The following IFT43 variants were observed in gnomAD, a reference collection of about 807,000 sequenced individuals.
IFT43 encodes the protein intraflagellar transport 43.
Under a neutral mutation model 32.3 loss-of-function variants are expected in IFT43, and 33 were observed. The observed-to-expected ratio is 1.02, with a 90% CI of 0.77 to 1.37. IFT43 has a LOEUF of 1.37. Among genes scored for constraint, IFT43 ranks in the 40% most tolerant of loss-of-function variants. The pLI, the probability that IFT43 is intolerant of heterozygous loss-of-function variation, is 0.00. For synonymous variants in IFT43, 93 were observed against 98.2 expected (o/e 0.95, Z 0.31); for missense variants, 274 against 265.9 (o/e 1.03, Z -0.21).
chr14:76,005,542 A>G (rs1355639020), intron 2 of IFT43, among the ~76,000 whole-genome samples: 2 of 152,224 alleles, frequency 1.3e-5, no homozygotes, highest in African/African-American at 4.8e-5. Flanking sequence ...TCCTTTATGC[A>G]TGTACAATTC....
Position 76,051,903 on chromosome 14 carries a change from G to A in IFT43, c.216-6739G>A, listed in dbSNP as rs562932251. Among the ~76,000 whole-genome samples the A allele has an allele frequency of 1.1e-3, 161 of 152,248 alleles. 1 individual carries two copies. Among genetic ancestry groups the A allele is most frequent in the African/African-American group, 3.7e-3 (152 of 41,542 alleles). On this transcript the variant is annotated intron_variant, in intron 3 of 8. Coordinates refer to ENST00000314067, the MANE Select transcript of IFT43 (RefSeq NM_001102564.3). ...GCAGGTGCCTTCCTATGGCTTTGGC[G>A]TTTCTTTCACCTGCAACAAGTTATA...
At chr14:76,050,488 T>TTTTG (rs1226995792) in intron 3 of IFT43, among the ~76,000 whole-genome samples, 1 of 151,856 alleles carries the variant, frequency 6.6e-6, no homozygotes, top group Non-Finnish European at 1.5e-5. Context: ...TTTTCTTGGG[T>TTTTG]TTTGTTTGTT....
At chr14:76,055,539 AC>A (rs771471010) in intron 3 of IFT43, among the ~76,000 whole-genome samples, 3 of 152,142 alleles carry the variant, frequency 2.0e-5, no homozygotes, top group Non-Finnish European at 4.4e-5. Flanking sequence ...GTGGTGCGCC[AC>A]TAAATTGGTT....
intron 2 of IFT43, among the ~76,000 whole-genome samples, chr14:76,018,801 TG>T (rs1423369211): frequency 6.6e-6 from 1 of 152,096 alleles, no homozygotes; most frequent in Non-Finnish European, 1.5e-5. Context: ...TTACAGTTTT[TG>T]ACTTAAAGTC....
intron 5 of IFT43, among the ~76,000 whole-genome samples, chr14:76,069,921 T>C (rs1380067648): frequency 6.6e-6 from 1 of 152,168 alleles, no homozygotes; most frequent in East Asian, 1.9e-4. Flanking sequence ...TTTGGCAGAA[T>C]TGAATACCTC....
chr14:76,081,506 T>C (rs1013765526), intron 5 of IFT43, among the ~76,000 whole-genome samples: 9 of 152,200 alleles, frequency 5.9e-5, no homozygotes, highest in Admixed American at 5.9e-4. Context: ...CATGAGAACA[T>C]GGACAATTTT....
chr14:75,996,403 A>G (rs542922291), intron 2 of IFT43, among the ~76,000 whole-genome samples: 1 of 152,336 alleles, frequency 6.6e-6, no homozygotes, highest in South Asian at 2.1e-4. Context: ...TAAAATATAT[A>G]AAGCTCTTAG....
At chr14:76,011,644 T>G (rs1165120334) in intron 2 of IFT43, among the ~76,000 whole-genome samples, 1 of 152,212 alleles carries the variant, frequency 6.6e-6, no homozygotes, top group African/African-American at 2.4e-5. Context: ...TGATCAGCTT[T>G]CTTTCTTATA....
chr14:76,058,971 C>T (rs2037078557), intron 4 of IFT43: 3 of 1,433,742 alleles, frequency 2.1e-6, no homozygotes, highest in South Asian at 1.5e-5. Context: ...TGGGCAGAAG[C>T]AATACCAGCT....
rs184299317 is a variant in IFT43 at position 75,989,090 on chromosome 14, T to C, written c.147+113T>C. 640 of 1,314,848 alleles carry C rather than the reference T, an allele frequency of 4.9e-4. 9 individuals carry two copies. In the East Asian group the frequency reaches 0.014, roughly 29 times the overall value. The allele number at this position is 1,314,848 out of a possible 1,614,324, so 81.4% of individuals were successfully genotyped here. A position where few individuals can be genotyped will look rare whatever the true frequency, so the allele number is the denominator to read the frequency against. On this transcript the variant is annotated intron_variant, in intron 2 of 8. Coordinates refer to ENST00000314067, the MANE Select transcript of IFT43 (RefSeq NM_001102564.3). ...TCTTCTCTTGAATGCCAACCCTTTC[T>C]CCTGTCTTGATTTGGGAATTCCCTT... is the stretch of plus-strand genomic sequence containing the variant.
intron 3 of IFT43, among the ~76,000 whole-genome samples, chr14:76,037,256 G>A (rs1229507154): frequency 6.6e-6 from 1 of 152,192 alleles, no homozygotes; most frequent in African/African-American, 2.4e-5. Flanking sequence ...ACATCCCACT[G>A]TATTGCCTTG....
At chr14:76,068,808 A>G (rs2037270261) in intron 5 of IFT43, among the ~76,000 whole-genome samples, 1 of 152,166 alleles carries the variant, frequency 6.6e-6, no homozygotes, top group Non-Finnish European at 1.5e-5. Context: ...TTGTTCGTTC[A>G]TTTACAACCC....
In IFT43 at chr14:76,058,668, T is replaced by C; in HGVS notation, c.242T>C (p.Ile81Thr). 6.2e-7 allele frequency: 1 copy of C among 1,611,592 alleles called. No individual in the cohort carries two copies. The highest frequency in any genetic ancestry group is 8.5e-7 in the Non-Finnish European group (1 of 1,178,748). Reference protein sequence around the residue: ...SKFRRKASEEIEDFRLRPQSL... With the variant: ...SKFRRKASEETEDFRLRPQSL... Reference sequence around the variant, plus strand: ...TTTAGGAGGAAGGCTTCTGAAGAAATAGAAGAGTACGTTTCCAGTATTCTT... The same window carrying C: ...TTTAGGAGGAAGGCTTCTGAAGAAACAGAAGAGTACGTTTCCAGTATTCTT... Residue 81 changes from isoleucine (I) to threonine (T), a missense_variant, in exon 4 of 9, where the codon ATA becomes ACA. Ile to Thr is a moderately conservative substitution (Grantham distance 89). Transcript: ENST00000314067.
chr14:76,054,959 T>C (rs2036983183), intron 3 of IFT43, among the ~76,000 whole-genome samples: 1 of 152,224 alleles, frequency 6.6e-6, no homozygotes, highest in South Asian at 2.1e-4. Context: ...CTTCTCTAAT[T>C]CCCTACCCTG....
rs116929982 is a variant in IFT43, at chr14:76,040,709, C to A, written c.216-17933C>A. Among the ~76,000 whole-genome samples, 6 of 152,356 alleles carry A rather than the reference C, an allele frequency of 3.9e-5. No homozygotes were observed. In the South Asian group the frequency reaches 1.2e-3, roughly 32 times the overall value. On this transcript the variant is annotated intron_variant, in intron 3 of 8. Coordinates refer to ENST00000314067, the MANE Select transcript of IFT43 (RefSeq NM_001102564.3). ...AGTGCTTCCCATTCAAAGGGGACAG[C>A]AGTGTGTCCCCACAAGCCCTGCTGC...
intron 2 of IFT43, among the ~76,000 whole-genome samples, chr14:76,012,274 ACTGCAGCAT>A (rs2139927762): frequency 6.6e-6 from 1 of 152,232 alleles, no homozygotes; most frequent in South Asian, 2.1e-4. Flanking sequence ...CTTTTTTGGC[ACTGCAGCAT>A]CTTTTCTGTT....
At chr14:76,047,955 G>A (rs1322895357) in intron 3 of IFT43, among the ~76,000 whole-genome samples, 1 of 152,056 alleles carries the variant, frequency 6.6e-6, no homozygotes, top group Non-Finnish European at 1.5e-5. Context: ...GAGGAGCTAT[G>A]GAGTCTGGCC....
chr14:76,076,838 A>G (rs1029669668), intron 5 of IFT43: 2 of 858,026 alleles, frequency 2.3e-6, no homozygotes, highest in Non-Finnish European at 1.9e-6. Flanking sequence ...CACATCCAAC[A>G]GCTCACATCT....
At chr14:76,075,563 T>C (rs2037398460) in intron 5 of IFT43, among the ~76,000 whole-genome samples, 1 of 152,236 alleles carries the variant, frequency 6.6e-6, no homozygotes, top group Non-Finnish European at 1.5e-5. Context: ...GGTATTTGGT[T>C]ACTGGAGCGT....
Sources: allele counts gnomAD v4.1 joint callset (sites outside exome capture counted in the v4.1 genomes callset), GRCh38; gene constraint gnomAD v4.1.1; transcripts MANE v1.5; gene names NCBI Gene and HGNC (gene_info 2026-07-23, HGNC 2026-07-21).